ADD2: variants seen among roughly 807,000 people sequenced by gnomAD.
ADD2 encodes the protein adducin 2.
Under a neutral mutation model 83.0 loss-of-function variants are expected in ADD2, and 23 were observed. That is an observed-to-expected ratio of 0.28 (90% CI 0.20 to 0.39). The LOEUF is 0.39. Ranked by LOEUF, ADD2 falls within the 10% of genes least tolerant of loss-of-function variation. ADD2 has a pLI of 1.00. For synonymous variants in ADD2, 375 were observed against 375.4 expected, an observed-to-expected ratio of 1.00 and a Z score of 0.01; for missense variants, 758 against 944.9, an observed-to-expected ratio of 0.80 and a Z score of 2.59.
intron 6 of ADD2, among the ~76,000 whole-genome samples, chr2:70,693,437 C>G (rs1671149957): frequency 1.3e-5 from 2 of 152,292 alleles, no homozygotes; most frequent in South Asian, 4.1e-4. Context: ...ATGTGGCACA[C>G]AGGGCAGTTC....
chr2:70,678,109 A>T (rs1450536381), intron 11 of ADD2, among the ~76,000 whole-genome samples: 1 of 152,230 alleles, frequency 6.6e-6, no homozygotes, highest in Non-Finnish European at 1.5e-5. Flanking sequence ...GCTATAAAGA[A>T]CATCCAAGAG....
At chr2:70,766,107 T>C (rs2104575167) in intron 1 of ADD2, among the ~76,000 whole-genome samples, 1 of 152,350 alleles carries the variant, frequency 6.6e-6, no homozygotes, top group Admixed American at 6.5e-5. Flanking sequence ...TGTCAGGCAT[T>C]GTTGTACATT....
At chr2:70,701,337 C>G (rs1671570920) in intron 4 of ADD2, among the ~76,000 whole-genome samples, 3 of 152,008 alleles carry the variant, frequency 2.0e-5, no homozygotes, top group Admixed American at 2.0e-4. Flanking sequence ...TTATGACATT[C>G]AACATCCATT....
At chr2:70,715,257 A>G (rs1419540026) in intron 1 of ADD2, among the ~76,000 whole-genome samples, 2 of 152,142 alleles carry the variant, frequency 1.3e-5, no homozygotes, top group Non-Finnish European at 2.9e-5. Flanking sequence ...CAGCACCTAG[A>G]GCAGGGCTGC....
intron 1 of ADD2, among the ~76,000 whole-genome samples, chr2:70,762,377 G>C (rs1675160892): frequency 6.6e-6 from 1 of 151,592 alleles, no homozygotes; most frequent in Non-Finnish European, 1.5e-5. Flanking sequence ...TGGAAATATG[G>C]AAGATTCACC....
At chr2:70,707,116 T>C (rs1487890344) in intron 2 of ADD2, among the ~76,000 whole-genome samples, 1 of 152,236 alleles carries the variant, frequency 6.6e-6, no homozygotes, top group Admixed American at 6.5e-5. Context: ...CTTTGCCCAA[T>C]GCTTTTCTTT....
At chr2:70,704,263 T>TGGCCCCCCCCCCCCCCCCAC in intron 4 of ADD2, 58 bp downstream of exon 4, 1 of 913,238 alleles carries the variant, frequency 1.1e-6, no homozygotes. Context: ...CTCCCTCTCT[T>TGGCCCCCCCCCCCCCCCCAC]CCCCACCCCA....
Position 70,706,372 on chromosome 2 carries a change from G to A in ADD2, c.37C>T (p.Pro13Ser), listed in dbSNP as rs782281714. 6.2e-7 allele frequency: 1 copy of A among 1,611,582 alleles called. No homozygotes were observed. Among genetic ancestry groups the A allele is most frequent in the South Asian group, 1.1e-5 (1 of 90,946 alleles). The change falls in exon 3 of 16, where the codon CCG (proline) becomes TCG (serine). Residue 13 changes from proline to serine, a missense_variant. Pro to Ser is a moderately conservative substitution (Grantham distance 74). Transcript: ENST00000264436. The surrounding 1 kb of genome is among the most constrained non-coding windows in gnomAD (Gnocchi z 5.0). Reference protein sequence around the residue: ...EETVPEAASPPPPQGQPYFDR... With the variant: ...EETVPEAASPSPPQGQPYFDR... ...AAGTAAGGCTGCCCCTGCGGGGGCG[G>A]CGGCGAGGCAGCCTCGGGGACCGTC... is the stretch of plus-strand genomic sequence containing the variant.
chr2:70,730,898 G>A (rs1268686999), intron 1 of ADD2, among the ~76,000 whole-genome samples: 2 of 152,224 alleles, frequency 1.3e-5, no homozygotes, highest in African/African-American at 4.8e-5. Context: ...GCCTAGGTGT[G>A]TAACAGGCTA....
intron 1 of ADD2, among the ~76,000 whole-genome samples, chr2:70,732,075 C>T (rs3755354): frequency 0.28 from 42,860 of 152,028 alleles, 6,211 homozygotes; most frequent in Middle Eastern, 0.39. Flanking sequence ...TCAATCTTCC[C>T]CTCCCTTCTC....
chr2:70,737,672 T>C lies in ADD2; in HGVS notation c.-153-24488A>G, dbSNP rs190671724. On this transcript the variant is annotated intron_variant, in intron 1 of 15. Transcript: ENST00000264436. Reference sequence around the variant, plus strand: ...CACACCAACATGGCGCATGTATACATATGTAACAAACCTGCACATTGTGCA... The same window carrying C: ...CACACCAACATGGCGCATGTATACACATGTAACAAACCTGCACATTGTGCA... Among the ~76,000 whole-genome samples the C allele has an allele frequency of 6.2e-3, 948 of 152,098 alleles. 6 individuals carry two copies. Among genetic ancestry groups the C allele is most frequent in the African/African-American group, 0.022 (899 of 41,500 alleles).
chr2:70,658,511 GA>G lies in ADD2; in HGVS notation c.*4913del, dbSNP rs1395704160. On this transcript the variant is annotated 3_prime_UTR_variant, in exon 16 of 16. Transcript: ENST00000264436. ...GCATTAAACTATCCCTTTCAGAACA[GA>G]TGTGAAACAGATGATAGGCTGCCTC... The G allele has an allele frequency of 2.6e-5, 4 of 152,296 alleles. No individual in the cohort carries two copies. In the East Asian group the frequency reaches 7.7e-4, roughly 29 times the overall value. The allele number at this position is 152,296 out of a possible 1,614,324, so 9.4% of individuals were successfully genotyped here. A position where few individuals can be genotyped will look rare whatever the true frequency, so the allele number is the denominator to read the frequency against.
At chr2:70,694,407 C>T (rs4852700) in intron 6 of ADD2, among the ~76,000 whole-genome samples, 114,546 of 152,012 alleles carry the variant, frequency 0.75, 43,564 homozygotes, top group African/African-American at 0.82. Context: ...CTCCCCTGCT[C>T]GCATTTCAGT....
rs1675610723 is a variant in ADD2, at chr2:70,663,355, A to G, written c.*70T>C. The G allele has an allele frequency of 6.7e-7, 1 of 1,495,874 alleles. No individual in the cohort carries two copies. The allele number at this position is 1,495,874 out of a possible 1,614,324, so 92.7% of individuals were successfully genotyped here. ...TATCCCTCCTTAGCCCTGTGCTTGCAGGGACAGAGATGGGAGAAGGGAAGG... is the reference window on the plus strand; with the variant it reads ...TATCCCTCCTTAGCCCTGTGCTTGCGGGGACAGAGATGGGAGAAGGGAAGG... On this transcript the variant is annotated 3_prime_UTR_variant, in exon 16 of 16. Transcript: ENST00000264436.
At chr2:70,751,589 G>T (rs1674508447) in intron 1 of ADD2, among the ~76,000 whole-genome samples, 1 of 152,102 alleles carries the variant, frequency 6.6e-6, no homozygotes, top group Non-Finnish European at 1.5e-5. Flanking sequence ...CATTACAAAA[G>T]ATGTCTTTAC....
chr2:70,753,197 G>A (rs1674598652), intron 1 of ADD2, among the ~76,000 whole-genome samples: 1 of 152,144 alleles, frequency 6.6e-6, no homozygotes, highest in African/African-American at 2.4e-5. Context: ...TAATCCAAAT[G>A]TTTCAAGAAG....
In ADD2 at chr2:70,695,939, C is replaced by G. The variant is rs1574255112; in HGVS notation, c.475-138G>C. ...ATGAACCCTTATCTCTCCCCCCCAG[C>G]CATAAGAGATAAAAAGAACTCAGCT... On this transcript the variant is annotated intron_variant, in intron 5 of 15. Coordinates refer to ENST00000264436, the MANE Select transcript of ADD2 (RefSeq NM_001617.4). The G allele has an allele frequency of 1.6e-5, 12 of 750,152 alleles. No individual in the cohort carries two copies. In the East Asian group the frequency reaches 3.2e-4, roughly 20 times the overall value. The allele number at this position is 750,152 out of a possible 1,614,324, so 46.5% of individuals were successfully genotyped here. A position where few individuals can be genotyped will look rare whatever the true frequency, so the allele number is the denominator to read the frequency against.
intron 1 of ADD2, among the ~76,000 whole-genome samples, chr2:70,759,336 A>C (rs549257300): frequency 2.0e-5 from 3 of 152,204 alleles, no homozygotes; most frequent in Admixed American, 2.0e-4. Flanking sequence ...TTGTATCTTT[A>C]TTTTTAGCTG....
intron 4 of ADD2, among the ~76,000 whole-genome samples, chr2:70,697,767 G>A (rs184102226): frequency 1.3e-5 from 2 of 152,342 alleles, no homozygotes; most frequent in East Asian, 3.9e-4. Context: ...CATCGAGTGT[G>A]CCATTAGTGG....
Sources: allele counts gnomAD v4.1 joint callset (sites outside exome capture counted in the v4.1 genomes callset), GRCh38; gene constraint gnomAD v4.1.1; non-coding constraint Gnocchi (gnomAD v3.1); transcripts MANE v1.5; gene names NCBI Gene and HGNC (gene_info 2026-07-23, HGNC 2026-07-21).